The following MAF variants were observed in gnomAD, a reference collection of about 807,000 sequenced individuals.
The protein encoded by MAF is MAF bZIP transcription factor.
A neutral mutation model predicts 22.0 loss-of-function variants in MAF; 10 were observed. That is an observed-to-expected ratio of 0.45 (90% CI 0.28 to 0.77). The LOEUF (loss-of-function observed/expected upper bound fraction) is 0.77. MAF is among the 30% of genes least tolerant of loss of function. The probability of loss-of-function intolerance (pLI) is 0.12; values close to 1 mark genes in which losing one functional copy is unlikely to be tolerated. For synonymous variants in MAF, 337 were observed against 255.8 expected (o/e 1.32, Z -3.03); for missense variants, 544 against 548.4 (o/e 0.99, Z 0.08).
At chr16:79,516,091 C>A in the MAF span, 4 of 151,722 alleles carry the variant, frequency 2.6e-5, no homozygotes, top group African/African-American at 9.7e-5. Flanking sequence ...CACCTCTATT[C>A]GATTCTGGGG....
At chr16:79,420,879 C>A in the MAF span, among the ~76,000 whole-genome samples, 1 of 152,072 alleles carries the variant, frequency 6.6e-6, no homozygotes, top group East Asian at 1.9e-4. Context: ...ACTAAAAACA[C>A]AAAAATTATC....
the MAF span, among the ~76,000 whole-genome samples, chr16:79,406,492 T>C: frequency 6.6e-6 from 1 of 152,130 alleles, no homozygotes; most frequent in African/African-American, 2.4e-5. Flanking sequence ...GGTTCATAGA[T>C]GGTGCCTTCA....
chr16:79,341,224 T>C, the MAF span, among the ~76,000 whole-genome samples: 1 of 152,160 alleles, frequency 6.6e-6, no homozygotes, highest in African/African-American at 2.4e-5. Context: ...GGAGAGACAA[T>C]GTAGTGTGGG....
chr16:79,384,161 T>C, the MAF span, among the ~76,000 whole-genome samples: 14 of 152,174 alleles, frequency 9.2e-5, no homozygotes, highest in African/African-American at 2.9e-4. Flanking sequence ...AAAAAAGTGA[T>C]GGCCGGGGGT....
At chr16:79,478,286 C>G in the MAF span, among the ~76,000 whole-genome samples, 4 of 152,196 alleles carry the variant, frequency 2.6e-5, no homozygotes, top group Non-Finnish European at 5.9e-5. Context: ...CCACACTTTA[C>G]AGGGCTACAA....
chr16:79,463,428 C>T, the MAF span, among the ~76,000 whole-genome samples: 1 of 152,188 alleles, frequency 6.6e-6, no homozygotes, highest in Non-Finnish European at 1.5e-5. Context: ...ATAGCATAAA[C>T]ACACAATGAC....
chr16:79,369,949 C>T, the MAF span, among the ~76,000 whole-genome samples: 3 of 152,242 alleles, frequency 2.0e-5, no homozygotes, highest in African/African-American at 7.2e-5. Context: ...CAGAGGGCCT[C>T]TCCCAACCTT....
At chr16:79,578,717 T>C in the MAF span, among the ~76,000 whole-genome samples, 5 of 152,166 alleles carry the variant, frequency 3.3e-5, no homozygotes, top group African/African-American at 1.2e-4. Flanking sequence ...AATAGATAAA[T>C]AAATTTCACT....
chr16:79,420,126 G>A, the MAF span, among the ~76,000 whole-genome samples: 3 of 152,172 alleles, frequency 2.0e-5, no homozygotes, highest in South Asian at 4.1e-4. Flanking sequence ...ACACGCCTGT[G>A]GATTTGGGAG....
At chr16:79,202,886 A>C in the MAF span, 5 of 152,370 alleles carry the variant, frequency 3.3e-5, no homozygotes, top group Middle Eastern at 6.8e-3. Context: ...ATGAGTAGTC[A>C]GCACATGCAT....
the MAF span, among the ~76,000 whole-genome samples, chr16:79,222,403 T>C: frequency 6.6e-6 from 1 of 151,976 alleles, no homozygotes; most frequent in Non-Finnish European, 1.5e-5. Flanking sequence ...GTAAAGACCA[T>C]CAACACTATG....
At chr16:79,443,745 G>C in the MAF span, among the ~76,000 whole-genome samples, 2 of 152,164 alleles carry the variant, frequency 1.3e-5, no homozygotes, top group Non-Finnish European at 2.9e-5. Flanking sequence ...TGTCTGCCTG[G>C]ATGATGTATT....
the MAF span, among the ~76,000 whole-genome samples, chr16:79,350,362 T>C: frequency 6.6e-6 from 1 of 152,046 alleles, no homozygotes; most frequent in East Asian, 1.9e-4. Context: ...CTCAGGCGAG[T>C]TCTGACCCCA....
intron 1 of MAF, chr16:79,595,688 C>T (rs1211387338): frequency 2.8e-6 from 3 of 1,057,766 alleles, no homozygotes; most frequent in South Asian, 4.6e-5. Context: ...GGGTAAATAC[C>T]AGTAAATCAA....
chr16:79,508,002 G>A, the MAF span, among the ~76,000 whole-genome samples: 1 of 152,172 alleles, frequency 6.6e-6, no homozygotes, highest in Non-Finnish European at 1.5e-5. Flanking sequence ...CAGTGTGAGA[G>A]GATGGTGGAT....
the MAF span, among the ~76,000 whole-genome samples, chr16:79,477,812 C>T: frequency 6.6e-6 from 1 of 152,054 alleles, no homozygotes; most frequent in Non-Finnish European, 1.5e-5. Flanking sequence ...ACAACCTCCG[C>T]CTCCTGGGCT....
chr16:79,365,657 T>A, the MAF span, among the ~76,000 whole-genome samples: 1 of 152,164 alleles, frequency 6.6e-6, no homozygotes, highest in Admixed American at 6.5e-5. Context: ...GTATGTGGAT[T>A]GGCTGGGAGC....
the MAF span, among the ~76,000 whole-genome samples, chr16:79,546,992 A>G: frequency 4.6e-5 from 7 of 152,222 alleles, no homozygotes; most frequent in Admixed American, 1.3e-4. Context: ...GTGATGACAG[A>G]ACATTTTAAT....
the MAF span, among the ~76,000 whole-genome samples, chr16:79,337,426 C>A: frequency 1.3e-4 from 20 of 152,164 alleles, no homozygotes; most frequent in South Asian, 4.2e-3. Flanking sequence ...AAAAATTAGC[C>A]AGGTGTGGTG....
Sources: allele counts gnomAD v4.1 joint callset (sites outside exome capture counted in the v4.1 genomes callset), GRCh38; gene constraint gnomAD v4.1.1; transcripts MANE v1.5; gene names NCBI Gene and HGNC (gene_info 2026-07-23, HGNC 2026-07-21).